The following USP18 variants were observed in gnomAD, a reference collection of about 807,000 sequenced individuals.
USP18 encodes the protein ubl carboxyl-terminal hydrolase 18.
A neutral mutation model predicts 48.7 loss-of-function variants in USP18; 11 were observed. The observed-to-expected ratio is 0.23, with a 90% confidence interval of 0.14 to 0.37. USP18 has a LOEUF of 0.37. USP18 is among the 10% of genes least tolerant of loss of function. The pLI is 1.00. For missense variants in USP18, 285 were observed against 436.4 expected, an observed-to-expected ratio of 0.65 and a Z score of 3.09; for synonymous variants, 114 against 163.2, an observed-to-expected ratio of 0.70 and a Z score of 2.30.
At chr22:18,161,961 T>C in intron 4 of USP18, 26 bp downstream of exon 4, 1 of 1,593,130 alleles carries the variant, frequency 6.3e-7, no homozygotes, top group Non-Finnish European at 8.6e-7. Flanking sequence ...ACTGGGCTCC[T>C]GGCTGCTGAT....
At chr22:18,155,607 C>T (rs1929110394) in intron 1 of USP18, among the ~76,000 whole-genome samples, 1 of 151,946 alleles carries the variant, frequency 6.6e-6, no homozygotes. Context: ...CTCGGCGGGC[C>T]CGCACTCGGA....
chr22:18,156,362 G>C (rs1175803328), intron 1 of USP18, among the ~76,000 whole-genome samples: 2 of 152,142 alleles, frequency 1.3e-5, no homozygotes, highest in Non-Finnish European at 2.9e-5. Context: ...GTGGCAACCT[G>C]GTCAGGTTTC....
At chr22:18,171,944 A>G (rs1287781722) in intron 8 of USP18, among the ~76,000 whole-genome samples, 4 of 151,818 alleles carry the variant, frequency 2.6e-5, no homozygotes, top group African/African-American at 4.8e-5. Context: ...ATTCTGCCCA[A>G]TGAAGTGTAT....
At chr22:18,175,016 C>A (rs889520767) in intron 10 of USP18, among the ~76,000 whole-genome samples, 1 of 151,996 alleles carries the variant, frequency 6.6e-6, no homozygotes, top group African/African-American at 2.4e-5. Flanking sequence ...TGGGTTCATG[C>A]CATTCTCCTG....
chr22:18,153,441 AGG>A (rs1569207729), intron 1 of USP18, among the ~76,000 whole-genome samples: 2 of 151,046 alleles, frequency 1.3e-5, no homozygotes, highest in South Asian at 4.2e-4. Flanking sequence ...AAAAAAAAAA[AGG>A]AGACAGGGTC....
intron 4 of USP18, among the ~76,000 whole-genome samples, chr22:18,163,392 C>T (rs1237339402): frequency 2.0e-5 from 3 of 151,974 alleles, no homozygotes; most frequent in African/African-American, 7.2e-5. Context: ...GCCTGTAATC[C>T]CAGCACTTTG....
At chr22:18,159,180 C>T (rs929274089) in intron 2 of USP18, among the ~76,000 whole-genome samples, 1 of 151,878 alleles carries the variant, frequency 6.6e-6, no homozygotes, top group Non-Finnish European at 1.5e-5. Context: ...CTCAGCCTCC[C>T]GAGTAGCTGG....
At chr22:18,160,069 C>G in intron 2 of USP18, 103 bp from the exon 3 acceptor site, 1 of 1,123,460 alleles carries the variant, frequency 8.9e-7, no homozygotes, top group Admixed American at 1.7e-5. Context: ...CCACCTCGGC[C>G]TCCCAAAGTA....
At chr22:18,172,801 G>A (rs925398433) in intron 8 of USP18, among the ~76,000 whole-genome samples, 5 of 150,440 alleles carry the variant, frequency 3.3e-5, no homozygotes, top group Admixed American at 6.6e-5. Context: ...GGCTGGGTAC[G>A]GTGGCTCAGG....
chr22:18,175,319 G>C (rs563527358), intron 10 of USP18, among the ~76,000 whole-genome samples: 114 of 152,200 alleles, frequency 7.5e-4, no homozygotes, highest in Middle Eastern at 3.4e-3. Context: ...CTGTATATCA[G>C]AGATCCTATT....
In USP18 at chr22:18,167,993, C is replaced by G. The variant is rs1296804873; in HGVS notation, c.584C>G (p.Pro195Arg). The G allele has an allele frequency of 1.2e-6, 2 of 1,614,162 alleles. No individual in the cohort carries two copies. The highest frequency in any genetic ancestry group is 1.7e-5 in the Admixed American group (1 of 60,024). The change falls in exon 6 of 11, where the codon CCA becomes CGA. Residue 195 changes from proline (P) to arginine (R), a missense_variant. Physicochemically the swap from Pro to Arg is moderately radical, Grantham distance 103. Transcript: ENST00000215794. ...AGAAACAGCAGCATGCTCACCCTCC[C>G]ACTTTCTCTTTTTGATGTGGACTCA... ...SSRNSSMLTL[P>R]LSLFDVDSKP...
At chr22:18,155,605 GC>G (rs938972306) in intron 1 of USP18, among the ~76,000 whole-genome samples, 2 of 151,994 alleles carry the variant, frequency 1.3e-5, no homozygotes, top group African/African-American at 2.4e-5. Flanking sequence ...GGCTCGGCGG[GC>G]CCGCACTCGG....
At chr22:18,164,117 T>G (rs1929408299) in intron 4 of USP18, among the ~76,000 whole-genome samples, 1 of 152,214 alleles carries the variant, frequency 6.6e-6, no homozygotes, top group Non-Finnish European at 1.5e-5. Context: ...ACGGACAGGT[T>G]AGTTGGAAGC....
rs773211729 is a variant in USP18, at chr22:18,160,268, G to A, written c.254G>A (p.Arg85Lys). Residue 85 changes from arginine (R) to lysine (K), a missense_variant and splice_region_variant, in exon 3 of 11, where the codon AGG (arginine) becomes AAG (lysine). Coordinates refer to ENST00000215794, the MANE Select transcript of USP18 (RefSeq NM_017414.4). Reference sequence around the variant, plus strand: ...GTGGACTTCACCAGGATATTGAAGAGGTAAGACTGTTCTTCAGGCTGATGA... The same window carrying A: ...GTGGACTTCACCAGGATATTGAAGAAGTAAGACTGTTCTTCAGGCTGATGA... Reference protein sequence around the residue: ...MNVDFTRILKRITVPRGADEQ... With the variant: ...MNVDFTRILKKITVPRGADEQ... 1 of 1,613,956 alleles carries A rather than the reference G, an allele frequency of 6.2e-7. No homozygotes were observed. The highest frequency in any genetic ancestry group is 1.1e-5 in the South Asian group (1 of 91,078).
In USP18 at chr22:18,160,252, A is replaced by G. The variant is rs1429297799; in HGVS notation, c.238A>G (p.Thr80Ala). 3.1e-6 allele frequency: 5 copies of G among 1,614,130 alleles called. No homozygotes were observed. The East Asian group carries it at 6.7e-5, about 22-fold the overall frequency. Residue 80 changes from threonine to alanine, a missense_variant, in exon 3 of 11, where the codon ACC becomes GCC. Coordinates refer to ENST00000215794, the MANE Select transcript of USP18 (RefSeq NM_017414.4). ...IQVFVMNVDFTRILKRITVPR... is the reference protein window; with the variant it reads ...IQVFVMNVDFARILKRITVPR... ...GGTGTTCGTAATGAATGTGGACTTC[A>G]CCAGGATATTGAAGAGGTAAGACTG...
In USP18 at chr22:18,157,582, T is replaced by G; in HGVS notation, c.-82T>G. 5 of 1,577,332 alleles carry G rather than the reference T, an allele frequency of 3.2e-6. No individual in the cohort carries two copies. The highest frequency in any genetic ancestry group is 3.4e-4 in the Middle Eastern group (2 of 5,814). ...GAGATTCCATCGTGCCTGGCTCACA[T>G]AAGCGCTTCCTGGAAGTGAAGTCGT... On this transcript the variant is annotated 5_prime_UTR_variant, in exon 2 of 11. The change abolishes the stop of an existing upstream ORF in the 5' untranslated region. Coordinates refer to ENST00000215794, the MANE Select transcript of USP18 (RefSeq NM_017414.4).
chr22:18,158,442 A>T, intron 2 of USP18, among the ~76,000 whole-genome samples: 1 of 152,184 alleles, frequency 6.6e-6, no homozygotes. Flanking sequence ...CTACCTTTGT[A>T]TGGGTCTGTC....
At chr22:18,167,675 G>A (rs1376214952) in intron 5 of USP18, among the ~76,000 whole-genome samples, 1 of 143,206 alleles carries the variant, frequency 7.0e-6, no homozygotes, top group African/African-American at 2.7e-5. Context: ...TCCAGCCTGG[G>A]TGACAGAGCG....
chr22:18,167,740 A>T, intron 5 of USP18, 150 bp from the exon 6 acceptor site: 1 of 964,814 alleles, frequency 1.0e-6, no homozygotes, highest in Non-Finnish European at 1.5e-6. Flanking sequence ...AATCCACATA[A>T]AACACTTATC....
Sources: allele counts gnomAD v4.1 joint callset (sites outside exome capture counted in the v4.1 genomes callset), GRCh38; gene constraint gnomAD v4.1.1; transcripts MANE v1.5; gene names NCBI Gene and HGNC (gene_info 2026-07-23, HGNC 2026-07-21).